The following KLHL22 variants were observed in gnomAD, a reference collection of about 807,000 sequenced individuals.
The protein encoded by KLHL22 is kelch like family member 22, also known as kelch-like protein 22.
In KLHL22, 18 loss-of-function variants were observed where a neutral mutation model predicts 60.7. The observed-to-expected ratio is 0.30, with a 90% CI of 0.20 to 0.44. KLHL22 has a LOEUF of 0.44. KLHL22 is among the 20% of genes least tolerant of loss of function. KLHL22 has a pLI of 1.00. For synonymous variants in KLHL22, 355 were observed against 354.5 expected, an observed-to-expected ratio of 1.00 and a Z score of -0.01; for missense variants, 596 against 852.3, an observed-to-expected ratio of 0.70 and a Z score of 3.74.
intron 5 of KLHL22, among the ~76,000 whole-genome samples, chr22:20,447,431 G>A (rs890060561): frequency 6.6e-6 from 1 of 152,190 alleles, no homozygotes; most frequent in Non-Finnish European, 1.5e-5. Flanking sequence ...CCATGCGGGT[G>A]GCAAAAACAC....
rs1282148920 is a variant in KLHL22, at chr22:20,465,667, T to C, written c.394-91A>G. ...ATGATGGCAGAAATACGGGCTGTTGTGGGCCAGGCAAAGCAGAAGGGAAGT... is the reference window on the plus strand; with the variant it reads ...ATGATGGCAGAAATACGGGCTGTTGCGGGCCAGGCAAAGCAGAAGGGAAGT... On this transcript the variant is annotated intron_variant, in intron 3 of 6. Transcript: ENST00000328879. The surrounding 1 kb of genome is among the most constrained non-coding windows in gnomAD (Gnocchi z 4.9). 1 of 766,322 alleles carries C rather than the reference T, an allele frequency of 1.3e-6. No homozygotes were observed. The highest frequency in any genetic ancestry group is 1.8e-5 in the Admixed American group (1 of 56,082). The allele number at this position is 766,322 out of a possible 1,614,324, so 47.5% of individuals were successfully genotyped here. A position where few individuals can be genotyped will look rare whatever the true frequency, so the allele number is the denominator to read the frequency against.
intron 2 of KLHL22, among the ~76,000 whole-genome samples, chr22:20,485,535 C>CAGG (rs1256020394): frequency 1.3e-5 from 2 of 152,152 alleles, no homozygotes; most frequent in Admixed American, 1.3e-4. Flanking sequence ...GGAGGCATCT[C>CAGG]AGGTGGGCCA....
At chr22:20,470,827 G>C (rs796593302) in intron 3 of KLHL22, among the ~76,000 whole-genome samples, 31 of 142,654 alleles carry the variant, frequency 2.2e-4, no homozygotes, top group African/African-American at 7.2e-4. Context: ...TGGATGGATG[G>C]ATGCATGCAT....
In KLHL22 at chr22:20,451,409, TAGG is replaced by T. The variant is rs754184074; in HGVS notation, c.1306-4736_1306-4734del. 2.1e-5 allele frequency: 34 copies of T among 1,609,064 alleles called. No homozygotes were observed. In the East Asian group the frequency reaches 5.1e-4, roughly 24 times the overall value. On this transcript the variant is annotated intron_variant, in intron 5 of 6. Transcript: ENST00000328879. ...GTGGCCAGTGGAGTGATCCACTGTC[TAGG>T]AGGATATGACGGCTTGAATATCTTA...
At chr22:20,484,634 G>A (rs1246987694) in intron 2 of KLHL22, among the ~76,000 whole-genome samples, 4 of 151,730 alleles carry the variant, frequency 2.6e-5, no homozygotes, top group South Asian at 2.1e-4. Flanking sequence ...GTTTCGTCAC[G>A]TTGCCCAGGC....
In KLHL22 at chr22:20,482,774, T is replaced by C. The variant is rs747086508; in HGVS notation, c.227+6211A>G. The C allele has an allele frequency of 1.2e-5, 11 of 955,530 alleles. No homozygotes were observed. The East Asian group carries it at 2.5e-4, about 21-fold the overall frequency. The allele number at this position is 955,530 out of a possible 1,614,324, so 59.2% of individuals were successfully genotyped here. Reference sequence around the variant, plus strand: ...TTTTTTTTGACCTCTGAACTTTTTATTGGCCTCCTGCTCCCCAAAGGATAC... The same window carrying C: ...TTTTTTTTGACCTCTGAACTTTTTACTGGCCTCCTGCTCCCCAAAGGATAC... On this transcript the variant is annotated intron_variant, in intron 2 of 6. Coordinates refer to ENST00000328879, the MANE Select transcript of KLHL22 (RefSeq NM_032775.4).
At chr22:20,463,709 C>A (rs1048582824) in intron 4 of KLHL22, among the ~76,000 whole-genome samples, 1 of 152,256 alleles carries the variant, frequency 6.6e-6, no homozygotes, top group African/African-American at 2.4e-5. Context: ...ATGAAGGTAG[C>A]TGTTTCCTTT....
intron 4 of KLHL22, among the ~76,000 whole-genome samples, chr22:20,464,102 TGGG>T (rs1428260423): frequency 1.3e-5 from 2 of 152,182 alleles, no homozygotes; most frequent in African/African-American, 2.4e-5. Flanking sequence ...CTGAGTCTTG[TGGG>T]CCTGAACCAC....
intron 3 of KLHL22, among the ~76,000 whole-genome samples, chr22:20,466,952 T>C (rs186955212): frequency 6.6e-6 from 1 of 152,330 alleles, no homozygotes; most frequent in Non-Finnish European, 1.5e-5. Context: ...ACCAGCAGGC[T>C]GTTAAAGGCC....
In KLHL22 at chr22:20,472,378, C is replaced by T. The variant is rs542581412; in HGVS notation, c.228-863G>A. Among the ~76,000 whole-genome samples the T allele has an allele frequency of 4.6e-5, 7 of 152,288 alleles. No homozygotes were observed. The South Asian group carries it at 1.5e-3, about 32-fold the overall frequency. On this transcript the variant is annotated intron_variant, in intron 2 of 6. Coordinates refer to ENST00000328879, the MANE Select transcript of KLHL22 (RefSeq NM_032775.4). Reference sequence around the variant, plus strand: ...GGCCAAGGCAGGCAGATCCCTTGAGCCTAGGAGTTCAAGACCAGCCTAGGC... The same window carrying T: ...GGCCAAGGCAGGCAGATCCCTTGAGTCTAGGAGTTCAAGACCAGCCTAGGC...
chr22:20,479,489 C>A (rs1007885640), intron 2 of KLHL22, among the ~76,000 whole-genome samples: 2 of 151,880 alleles, frequency 1.3e-5, no homozygotes, highest in Non-Finnish European at 2.9e-5. Flanking sequence ...ATTGCTTGAG[C>A]CCAGGAGTTT....
chr22:20,483,324 C>T (rs2146273236), intron 2 of KLHL22: 2 of 724,850 alleles, frequency 2.8e-6, no homozygotes, highest in Non-Finnish European at 5.1e-6. Flanking sequence ...GTCGTTTCTT[C>T]CGAGCCAGCT....
At chr22:20,466,104 G>A (rs1016302117) in intron 3 of KLHL22, among the ~76,000 whole-genome samples, 3 of 151,950 alleles carry the variant, frequency 2.0e-5, no homozygotes, top group Admixed American at 6.6e-5. Flanking sequence ...GGCCGGGTGC[G>A]GTGGCTCATG....
At chr22:20,453,705 T>A (rs2053016199) in intron 5 of KLHL22, among the ~76,000 whole-genome samples, 1 of 152,184 alleles carries the variant, frequency 6.6e-6, no homozygotes, top group African/African-American at 2.4e-5. Context: ...CAAATCAAAA[T>A]TAAAAAATTT....
intron 6 of KLHL22, 52 bp from the exon 7 acceptor site, chr22:20,442,490 C>T: frequency 6.6e-7 from 1 of 1,507,108 alleles, no homozygotes; most frequent in Non-Finnish European, 8.8e-7. Context: ...ACGAGGCTGC[C>T]AGCTCCCCCA....
chr22:20,494,899 G>A (rs182764209), intron 1 of KLHL22, among the ~76,000 whole-genome samples: 128 of 152,354 alleles, frequency 8.4e-4, no homozygotes, highest in Non-Finnish European at 1.6e-3. Context: ...TCAGCCTTCT[G>A]TAGGGCCCCC....
rs751472080 is a variant in KLHL22 at position 20,471,333 on chromosome 22, G to A, written c.393+17C>T. ...ACCTGGGTGTGGGTCTGCCTTGCTA[G>A]ATGAGACATGCCTCACCTGAAGCTG... On this transcript the variant is annotated intron_variant, in intron 3 of 6. Coordinates refer to ENST00000328879, the MANE Select transcript of KLHL22 (RefSeq NM_032775.4). 3 of 1,611,076 alleles carry A rather than the reference G, an allele frequency of 1.9e-6. No individual in the cohort carries two copies. Among genetic ancestry groups the A allele is most frequent in the African/African-American group, 1.3e-5 (1 of 74,872 alleles).
At position 20,476,368 on chromosome 22, in the gene KLHL22, C is replaced by T. The variant is rs192369530; in HGVS notation, c.228-4853G>A. On this transcript the variant is annotated intron_variant, in intron 2 of 6. Coordinates refer to ENST00000328879, the MANE Select transcript of KLHL22 (RefSeq NM_032775.4). ...AGATGGCAACATTTCAAGCACTGCCCGCCCTGAGCAGGGTGTGGGTGCTTG... is the reference window on the plus strand; with the variant it reads ...AGATGGCAACATTTCAAGCACTGCCTGCCCTGAGCAGGGTGTGGGTGCTTG... Among the ~76,000 whole-genome samples, 6 of 151,432 alleles carry T rather than the reference C, an allele frequency of 4.0e-5. No homozygotes were observed. In the East Asian group the frequency reaches 5.8e-4, roughly 15 times the overall value.
chr22:20,473,145 G>T (rs560572983), intron 2 of KLHL22, among the ~76,000 whole-genome samples: 2 of 152,354 alleles, frequency 1.3e-5, no homozygotes, highest in South Asian at 4.1e-4. Flanking sequence ...GGTGCTGGAG[G>T]AGGAGCCCCT....
Sources: gnomAD v4.1 joint callset for allele counts (sites outside exome capture counted in the v4.1 genomes callset) on GRCh38, gnomAD v4.1.1 for gene constraint, Gnocchi (gnomAD v3.1) non-coding constraint, MANE v1.5 for transcripts, NCBI Gene and HGNC (gene_info 2026-07-23, HGNC 2026-07-21) for gene names.